AOAH: variants seen among roughly 807,000 people sequenced by gnomAD.
AOAH encodes the protein acyloxyacyl hydrolase (neutrophil).
In AOAH, 64 loss-of-function variants were observed where a neutral mutation model predicts 92.2. That is an observed-to-expected ratio of 0.69 (90% CI 0.57 to 0.86). AOAH has a LOEUF of 0.86. AOAH is among the 40% of genes least tolerant of loss of function. The pLI is 0.00. For synonymous variants in AOAH, 263 were observed against 254.5 expected (o/e 1.03, Z -0.32); for missense variants, 656 against 694.6 (o/e 0.94, Z 0.62).
intron 16 of AOAH, among the ~76,000 whole-genome samples, chr7:36,534,960 GTGTC>G (rs1256084374): frequency 6.6e-6 from 1 of 150,640 alleles, no homozygotes; most frequent in Non-Finnish European, 1.5e-5. Context: ...GTGTGTATCT[GTGTC>G]TGTGTCTCTG....
intron 4 of AOAH, among the ~76,000 whole-genome samples, chr7:36,643,675 G>A (rs1256897758): frequency 2.0e-5 from 3 of 152,114 alleles, no homozygotes; most frequent in Non-Finnish European, 4.4e-5. Context: ...GTCTCTGCCC[G>A]AATCTCATGT....
chr7:36,521,052 TGA>T lies in AOAH; in HGVS notation c.1599+985_1599+986del, dbSNP rs376121786. On this transcript the variant is annotated intron_variant, in intron 20 of 20. Coordinates refer to ENST00000617537, the MANE Select transcript of AOAH (RefSeq NM_001637.4). ...CTTAGCCCTGCCTGTGAGCACTGGCTGAGCCTAGAGTTGGAGGAAGGTGGGCT... is the reference window on the plus strand; with the variant it reads ...CTTAGCCCTGCCTGTGAGCACTGGCTGCCTAGAGTTGGAGGAAGGTGGGCT... 3.2e-3 allele frequency among the ~76,000 whole-genome samples: 486 copies of T among 152,306 alleles called. 1 individual carries two copies. Among genetic ancestry groups the T allele is most frequent in the African/African-American group, 0.011 (470 of 41,582 alleles).
At chr7:36,634,287 A>T (rs1335013254) in intron 5 of AOAH, among the ~76,000 whole-genome samples, 1 of 152,190 alleles carries the variant, frequency 6.6e-6, no homozygotes, top group East Asian at 1.9e-4. Context: ...GCTCGGCGCC[A>T]CACCCTGGGC....
rs572704773 is a variant in AOAH, at chr7:36,641,193, A to C, written c.391-3283T>G. Reference sequence around the variant, plus strand: ...GGAGGTCTGCTCAGGAATCAGGCCCAGAGCTTTCAGTCTTCAAGACTCATG... The same window carrying C: ...GGAGGTCTGCTCAGGAATCAGGCCCCGAGCTTTCAGTCTTCAAGACTCATG... On this transcript the variant is annotated intron_variant, in intron 4 of 20. Coordinates refer to ENST00000617537, the MANE Select transcript of AOAH (RefSeq NM_001637.4). Among the ~76,000 whole-genome samples the C allele has an allele frequency of 2.3e-3, 355 of 152,326 alleles. 3 individuals are homozygous for C. Among genetic ancestry groups the C allele is most frequent in the African/African-American group, 8.1e-3 (338 of 41,582 alleles).
chr7:36,515,361 C>CCA, intron 20 of AOAH, among the ~76,000 whole-genome samples: 1 of 118,006 alleles, frequency 8.5e-6, no homozygotes, highest in African/African-American at 3.3e-5. Flanking sequence ...CACCCCCACA[C>CCA]ACACACCACA....
intron 11 of AOAH, among the ~76,000 whole-genome samples, chr7:36,605,799 C>T (rs918088599): frequency 4.6e-5 from 7 of 152,146 alleles, no homozygotes; most frequent in South Asian, 2.1e-4. Context: ...AATTCAAGAA[C>T]GGCCTGTCTG....
intron 4 of AOAH, among the ~76,000 whole-genome samples, chr7:36,657,784 G>A (rs930777467): frequency 5.9e-5 from 9 of 152,174 alleles, no homozygotes; most frequent in Non-Finnish European, 1.2e-4. Flanking sequence ...GTCAGGGTAG[G>A]AAGACAAGGA....
chr7:36,588,842 T>C (rs1234068245), intron 12 of AOAH, among the ~76,000 whole-genome samples: 1 of 152,220 alleles, frequency 6.6e-6, no homozygotes, highest in Admixed American at 6.5e-5. Flanking sequence ...TTTGTCTGAG[T>C]ATTTGCTACA....
chr7:36,610,738 C>G (rs993333435), intron 11 of AOAH, among the ~76,000 whole-genome samples: 1 of 152,134 alleles, frequency 6.6e-6, no homozygotes, highest in Non-Finnish European at 1.5e-5. Flanking sequence ...GCCTCCTTCC[C>G]CAATATCTTG....
chr7:36,665,782 C>T (rs1263184454), intron 3 of AOAH, among the ~76,000 whole-genome samples: 2 of 151,760 alleles, frequency 1.3e-5, no homozygotes, highest in Non-Finnish European at 2.9e-5. Context: ...TTGTTAAATG[C>T]TTTTTCTGTG....
At chr7:36,647,110 G>A (rs1010171198) in intron 4 of AOAH, among the ~76,000 whole-genome samples, 1 of 152,192 alleles carries the variant, frequency 6.6e-6, no homozygotes, top group Non-Finnish European at 1.5e-5. Flanking sequence ...CAGCCAGACT[G>A]TCTCTGCTTT....
intron 1 of AOAH, among the ~76,000 whole-genome samples, chr7:36,702,739 C>T (rs1168067638): frequency 1.3e-5 from 2 of 152,058 alleles, no homozygotes; most frequent in South Asian, 2.1e-4. Flanking sequence ...GGTCTTGCCT[C>T]GATGTTGTTG....
intron 2 of AOAH, among the ~76,000 whole-genome samples, chr7:36,686,450 A>C (rs1797013211): frequency 6.6e-6 from 1 of 152,240 alleles, no homozygotes; most frequent in Admixed American, 6.5e-5. Context: ...TTGGCCATTC[A>C]ACATTTTATT....
Position 36,530,443 on chromosome 7 carries a change from G to T in AOAH, c.1497C>A (p.Phe499Leu). ...ASEKFTNFNL[F>L]YMDFAFHEII... ...TTTCATGGAAGGCAAAATCCATGTA[G>T]AAAAGATTGAAGTTTGTAAATTTCT... Residue 499 changes from phenylalanine to leucine, a missense_variant, in exon 19 of 21, where the codon TTC becomes TTA. Coordinates refer to ENST00000617537, the MANE Select transcript of AOAH (RefSeq NM_001637.4). 6.2e-7 allele frequency: 1 copy of T among 1,613,246 alleles called. No individual in the cohort carries two copies. Among genetic ancestry groups the T allele is most frequent in the Non-Finnish European group, 8.5e-7 (1 of 1,179,210 alleles).
chr7:36,564,754 AG>A (rs1408472741), intron 13 of AOAH, among the ~76,000 whole-genome samples: 2 of 152,364 alleles, frequency 1.3e-5, no homozygotes, highest in East Asian at 3.9e-4. Context: ...CAAGCAGTGC[AG>A]GATAAAAATC....
intron 16 of AOAH, 124 bp downstream of exon 16, chr7:36,540,195 T>C: frequency 1.1e-6 from 1 of 940,856 alleles, no homozygotes; most frequent in East Asian, 2.8e-5. Flanking sequence ...CTTGCCTTTA[T>C]CAACCCTGAC....
At chr7:36,548,994 A>G (rs1388620434) in intron 14 of AOAH, among the ~76,000 whole-genome samples, 2 of 152,184 alleles carry the variant, frequency 1.3e-5, no homozygotes, top group Non-Finnish European at 2.9e-5. Context: ...AATTGCATCA[A>G]TAAGCACAGG....
intron 13 of AOAH, among the ~76,000 whole-genome samples, chr7:36,554,011 G>T (rs1786494013): frequency 6.6e-6 from 1 of 152,042 alleles, no homozygotes; most frequent in South Asian, 2.1e-4. Context: ...GTCAATTTTG[G>T]CTTTTGTTGC....
intron 2 of AOAH, among the ~76,000 whole-genome samples, chr7:36,681,616 C>A (rs572094479): frequency 4.6e-5 from 7 of 152,162 alleles, no homozygotes; most frequent in African/African-American, 1.7e-4. Flanking sequence ...ACCAGCCTGA[C>A]CAACATGGTG....
Sources: allele counts gnomAD v4.1 joint callset (sites outside exome capture counted in the v4.1 genomes callset), GRCh38; gene constraint gnomAD v4.1.1; transcripts MANE v1.5; gene names NCBI Gene and HGNC (gene_info 2026-07-23, HGNC 2026-07-21).